The following FMNL2 variants were observed in gnomAD, a reference collection of about 807,000 sequenced individuals.
The protein encoded by FMNL2 is formin-like protein 2.
In FMNL2, 51 loss-of-function variants were observed where a neutral mutation model predicts 130.2. The ratio of observed to expected loss-of-function variants is 0.39; its 90% CI spans 0.31 to 0.49. The LOEUF (loss-of-function observed/expected upper bound fraction) is 0.49. Ranked by LOEUF, FMNL2 falls within the 20% of genes least tolerant of loss-of-function variation. The pLI is 0.85. For missense variants in FMNL2, 977 were observed against 1,316.2 expected (o/e 0.74, Z 3.99); for synonymous variants, 465 against 467.1 (o/e 1.00, Z 0.06).
chr2:152,481,021 G>C (rs1021035190), intron 1 of FMNL2, among the ~76,000 whole-genome samples: 2 of 152,148 alleles, frequency 1.3e-5, no homozygotes, highest in Non-Finnish European at 1.5e-5. Context: ...ATACACAAGT[G>C]GCTCCCATCT....
At chr2:152,516,364 G>C (rs1692771417) in intron 1 of FMNL2, among the ~76,000 whole-genome samples, 1 of 151,972 alleles carries the variant, frequency 6.6e-6, no homozygotes, top group Admixed American at 6.6e-5. Context: ...GTAAACCTCT[G>C]TATCTCTATT....
intron 1 of FMNL2, among the ~76,000 whole-genome samples, chr2:152,465,123 G>T (rs951587304): frequency 6.6e-6 from 1 of 152,222 alleles, no homozygotes; most frequent in East Asian, 1.9e-4. Flanking sequence ...CGCAAGTAGT[G>T]AACTACCAGC....
At position 152,589,981 on chromosome 2, in the gene FMNL2, ATATG is replaced by A. The variant is rs1186550909; in HGVS notation, c.876+8936_876+8939del. On this transcript the variant is annotated intron_variant, in intron 9 of 25. Coordinates refer to ENST00000288670, the MANE Select transcript of FMNL2 (RefSeq NM_052905.4). ...TATATATATATATATATATATATAT[ATATG>A]TATATGTATATGTATATATATATAC... is the stretch of plus-strand genomic sequence containing the variant. Among the ~76,000 whole-genome samples the A allele has an allele frequency of 7.1e-5, 3 of 42,490 alleles. 1 individual carries two copies. The highest frequency in any genetic ancestry group is 2.2e-4 in the African/African-American group (2 of 9,044). The allele number at this position is 42,490 out of a possible 152,430, so 27.9% of individuals were successfully genotyped here. A position where few individuals can be genotyped will look rare whatever the true frequency, so the allele number is the denominator to read the frequency against.
chr2:152,638,339 T>C (rs1682795169), intron 23 of FMNL2, among the ~76,000 whole-genome samples: 1 of 152,238 alleles, frequency 6.6e-6, no homozygotes, highest in South Asian at 2.1e-4. Context: ...TTAGCTGACC[T>C]TGGCAACACC....
At chr2:152,378,206 G>A (rs1350400323) in intron 1 of FMNL2, among the ~76,000 whole-genome samples, 2 of 152,062 alleles carry the variant, frequency 1.3e-5, no homozygotes, top group African/African-American at 4.8e-5. Context: ...CCAAGTCATA[G>A]GGACTGCCTT....
chr2:152,459,867 A>C (rs1373646477), intron 1 of FMNL2, among the ~76,000 whole-genome samples: 2 of 152,194 alleles, frequency 1.3e-5, no homozygotes, highest in East Asian at 3.9e-4. Flanking sequence ...AAAACCCCAG[A>C]TGTTTCTGTG....
intron 1 of FMNL2, among the ~76,000 whole-genome samples, chr2:152,393,647 A>C (rs899944403): frequency 4.6e-5 from 7 of 152,176 alleles, no homozygotes; most frequent in Non-Finnish European, 7.4e-5. Context: ...TTTCTATTTT[A>C]TTAACAGGTT....
chr2:152,423,615 C>T (rs1423244538), intron 1 of FMNL2, among the ~76,000 whole-genome samples: 1 of 152,224 alleles, frequency 6.6e-6, no homozygotes, highest in Non-Finnish European at 1.5e-5. Flanking sequence ...TCCTGGTGGT[C>T]TGCATGGCAT....
chr2:152,606,049 T>C (rs750711582), intron 9 of FMNL2, among the ~76,000 whole-genome samples: 2 of 152,242 alleles, frequency 1.3e-5, no homozygotes, highest in Non-Finnish European at 2.9e-5. Context: ...TGTAGTGAAC[T>C]AAACAGAATT....
intron 1 of FMNL2, among the ~76,000 whole-genome samples, chr2:152,454,961 C>A (rs1378761140): frequency 6.6e-6 from 1 of 152,176 alleles, no homozygotes; most frequent in African/African-American, 2.4e-5. Context: ...AAAGCCCATC[C>A]TGATACCTTA....
chr2:152,485,518 G>C (rs1558903777), intron 1 of FMNL2, among the ~76,000 whole-genome samples: 1 of 152,136 alleles, frequency 6.6e-6, no homozygotes, highest in Non-Finnish European at 1.5e-5. Flanking sequence ...CTCCAGCCTG[G>C]GGGACAGAGT....
intron 20 of FMNL2, 64 bp from the exon 21 acceptor site, chr2:152,631,944 T>C: frequency 6.5e-7 from 1 of 1,535,466 alleles, no homozygotes. Context: ...AATCGTCACC[T>C]GAGGGGTAAG....
chr2:152,541,369 G>T (rs1579919878), intron 2 of FMNL2, among the ~76,000 whole-genome samples: 2 of 152,172 alleles, frequency 1.3e-5, no homozygotes, highest in Admixed American at 1.3e-4. Context: ...TGTTACCCAG[G>T]CTTGTCCTCA....
chr2:152,415,169 A>T lies in FMNL2; in HGVS notation c.117+79449A>T, dbSNP rs1206299398. Among the ~76,000 whole-genome samples the T allele has an allele frequency of 4.7e-5, 3 of 64,006 alleles. No individual in the cohort carries two copies. The South Asian group carries it at 1.0e-3, about 22-fold the overall frequency. The allele number at this position is 64,006 out of a possible 152,430, so 42.0% of individuals were successfully genotyped here. A position where few individuals can be genotyped will look rare whatever the true frequency, so the allele number is the denominator to read the frequency against. On this transcript the variant is annotated intron_variant, in intron 1 of 25. Transcript: ENST00000288670. ...AACTTTATGTCAGTTCTGATACATT[A>T]AAAAAAAAAAACAAAAAAACCCCAG... is the stretch of plus-strand genomic sequence containing the variant.
At chr2:152,348,852 G>A (rs1682294591) in intron 1 of FMNL2, among the ~76,000 whole-genome samples, 1 of 89,828 alleles carries the variant, frequency 1.1e-5, no homozygotes, top group African/African-American at 5.3e-5. Context: ...TTTTGAGACG[G>A]AGTCTCGCTC....
At chr2:152,452,021 G>T (rs1467434486) in intron 1 of FMNL2, among the ~76,000 whole-genome samples, 2 of 152,130 alleles carry the variant, frequency 1.3e-5, no homozygotes, top group African/African-American at 4.8e-5. Context: ...TGATTTGTAT[G>T]CCCATTTCAT....
At chr2:152,586,273 C>T (rs566458906) in intron 9 of FMNL2, among the ~76,000 whole-genome samples, 355 of 152,336 alleles carry the variant, frequency 2.3e-3, no homozygotes, top group Middle Eastern at 0.01. Flanking sequence ...GTGCACAGCA[C>T]TCTTGGCAGT....
chr2:152,554,590 C>A (rs1027707414), intron 4 of FMNL2, among the ~76,000 whole-genome samples: 4 of 152,152 alleles, frequency 2.6e-5, no homozygotes, highest in African/African-American at 7.2e-5. Flanking sequence ...TTGTTAATAA[C>A]CACCAGTCTG....
chr2:152,522,057 A>C, intron 2 of FMNL2, 31 bp downstream of exon 2: 1 of 1,552,220 alleles, frequency 6.4e-7, no homozygotes, highest in Non-Finnish European at 8.8e-7. Flanking sequence ...CTTTTATGAA[A>C]AAAGTAATGA....
Sources: allele counts gnomAD v4.1 joint callset (sites outside exome capture counted in the v4.1 genomes callset), GRCh38; gene constraint gnomAD v4.1.1; transcripts MANE v1.5; gene names NCBI Gene and HGNC (gene_info 2026-07-23, HGNC 2026-07-21).